IL1RAP: variants seen among roughly 807,000 people sequenced by gnomAD.
IL1RAP encodes the protein interleukin 1 receptor accessory protein.
A neutral mutation model predicts 60.7 loss-of-function variants in IL1RAP; 35 were observed. That is an observed-to-expected ratio of 0.58 (90% CI 0.44 to 0.76). The LOEUF (loss-of-function observed/expected upper bound fraction) is 0.76, where lower values mean the gene tolerates loss of function less well. Among genes scored for constraint, IL1RAP ranks in the 30% least tolerant of loss-of-function variants. The pLI is 0.00. For synonymous variants in IL1RAP, 268 were observed against 250.9 expected (o/e 1.07, Z -0.64); for missense variants, 572 against 693.9 (o/e 0.82, Z 1.97).
At chr3:190,603,001 T>C (rs1693244158) in intron 3 of IL1RAP, among the ~76,000 whole-genome samples, 1 of 152,096 alleles carries the variant, frequency 6.6e-6, no homozygotes, top group Non-Finnish European at 1.5e-5. Flanking sequence ...CTTGTTTTCT[T>C]AAAATAAAGA....
intron 8 of IL1RAP, among the ~76,000 whole-genome samples, 155 bp downstream of exon 8, chr3:190,627,604 A>G (rs1732421964): frequency 6.6e-6 from 1 of 152,166 alleles, no homozygotes; most frequent in Non-Finnish European, 1.5e-5. Flanking sequence ...TTGCATCCCA[A>G]ACCAGGGTTA....
intron 2 of IL1RAP, among the ~76,000 whole-genome samples, chr3:190,557,290 G>C (rs566326216): frequency 6.6e-6 from 1 of 152,260 alleles, no homozygotes; most frequent in Non-Finnish European, 1.5e-5. Flanking sequence ...CCTTGTGAGG[G>C]ACAGGACTTC....
rs1734363017 is a variant in IL1RAP at position 190,651,058 on chromosome 3, A to T, written c.*2353A>T. Reference sequence around the variant, plus strand: ...TATGTGATACGTATCATTGCAAGAGAATTTGTTTCAAGATTTTTTTTTAAT... The same window carrying T: ...TATGTGATACGTATCATTGCAAGAGTATTTGTTTCAAGATTTTTTTTTAAT... On this transcript the variant is annotated 3_prime_UTR_variant, in exon 12 of 12. Transcript: ENST00000447382. 1 of 984,708 alleles carries T rather than the reference A, an allele frequency of 1.0e-6. No individual in the cohort carries two copies. Among genetic ancestry groups the T allele is most frequent in the Non-Finnish European group, 1.2e-6 (1 of 829,424 alleles). 61.0% of individuals were successfully genotyped at this position (984,708 alleles called of 1,614,324 possible).
At chr3:190,536,057 T>G (rs760569355) in intron 1 of IL1RAP, among the ~76,000 whole-genome samples, 6 of 152,174 alleles carry the variant, frequency 3.9e-5, no homozygotes, top group Non-Finnish European at 7.3e-5. Context: ...TACGTAAGAC[T>G]CTAACGTGAA....
chr3:190,527,034 G>T (rs1205042889), intron 1 of IL1RAP, among the ~76,000 whole-genome samples: 1 of 152,158 alleles, frequency 6.6e-6, no homozygotes. Context: ...ATAGCTAAAG[G>T]CAGCACTTCC....
chr3:190,599,883 G>A (rs1435560507), intron 3 of IL1RAP, among the ~76,000 whole-genome samples: 1 of 151,484 alleles, frequency 6.6e-6, no homozygotes, highest in Non-Finnish European at 1.5e-5. Flanking sequence ...TGTTTTAGTG[G>A]GCTTTTGTTC....
chr3:190,602,488 G>T (rs1214247083), intron 3 of IL1RAP, among the ~76,000 whole-genome samples: 1 of 151,922 alleles, frequency 6.6e-6, no homozygotes, highest in Non-Finnish European at 1.5e-5. Flanking sequence ...AGAATAAAAT[G>T]ATGAAAAATA....
chr3:190,557,469 A>C (rs536210732), intron 2 of IL1RAP, among the ~76,000 whole-genome samples: 15 of 152,276 alleles, frequency 9.9e-5, no homozygotes, highest in Admixed American at 5.9e-4. Flanking sequence ...GCTATTTCCT[A>C]AAAAGGGAGA....
chr3:190,553,942 T>G (rs1488882724), intron 1 of IL1RAP, among the ~76,000 whole-genome samples: 1 of 150,082 alleles, frequency 6.7e-6, no homozygotes, highest in African/African-American at 2.4e-5. Flanking sequence ...GCGCCTGTAG[T>G]CCCAGCTACT....
At chr3:190,622,925 G>A (rs1211840308) in intron 6 of IL1RAP, among the ~76,000 whole-genome samples, 2 of 152,148 alleles carry the variant, frequency 1.3e-5, no homozygotes, top group African/African-American at 2.4e-5. Context: ...GGCTACTAGC[G>A]CTCATCCAGA....
downstream of IL1RAP, among the ~76,000 whole-genome samples, chr3:190,654,054 A>T (rs957508236): frequency 3.9e-5 from 6 of 152,312 alleles, no homozygotes; most frequent in South Asian, 8.3e-4. Flanking sequence ...CCAATAAAAA[A>T]ATTAAAGAGC....
chr3:190,603,491 T>G (rs1730032876), intron 3 of IL1RAP, among the ~76,000 whole-genome samples: 1 of 152,182 alleles, frequency 6.6e-6, no homozygotes, highest in South Asian at 2.1e-4. Context: ...TAGTCCAGAT[T>G]GAGATGTAAG....
At chr3:190,615,370 TG>T in intron 5 of IL1RAP, 1 of 1,119,752 alleles carries the variant, frequency 8.9e-7, no homozygotes. Context: ...GCAGTCCTTT[TG>T]TTGTTGCTTT....
chr3:190,613,689 C>T (rs774856529), intron 5 of IL1RAP, among the ~76,000 whole-genome samples: 4 of 151,922 alleles, frequency 2.6e-5, no homozygotes, highest in Non-Finnish European at 5.9e-5. Flanking sequence ...AAAAACTAGC[C>T]GGGCATGGTG....
chr3:190,651,042 C>T lies in IL1RAP; in HGVS notation c.*2337C>T, dbSNP rs41419651. On this transcript the variant is annotated 3_prime_UTR_variant, in exon 12 of 12. Transcript: ENST00000447382. Reference sequence around the variant, plus strand: ...TAAAGCATATCAAGTTTATGTGATACGTATCATTGCAAGAGAATTTGTTTC... The same window carrying T: ...TAAAGCATATCAAGTTTATGTGATATGTATCATTGCAAGAGAATTTGTTTC... 0.015 allele frequency: 15,118 copies of T among 982,582 alleles called. 484 individuals carry two copies. The East Asian group carries it at 0.26, about 17-fold the overall frequency. 60.9% of individuals were successfully genotyped at this position (982,582 alleles called of 1,614,324 possible). A position where few individuals can be genotyped will look rare whatever the true frequency, so the allele number is the denominator to read the frequency against.
chr3:190,527,684 ATTTTT>A (rs58914187), intron 1 of IL1RAP, among the ~76,000 whole-genome samples: 1 of 112,936 alleles, frequency 8.9e-6, no homozygotes. Context: ...GCTTGTTTAC[ATTTTT>A]TTTTTTTTTT....
intron 11 of IL1RAP, among the ~76,000 whole-genome samples, chr3:190,646,547 A>C: frequency 6.6e-6 from 1 of 152,204 alleles, no homozygotes; most frequent in Non-Finnish European, 1.5e-5. Context: ...TTAAAATAAA[A>C]GTACAACTCC....
exon 12 of IL1RAP, chr3:190,656,734 A>T: frequency 3.2e-6 from 2 of 622,986 alleles, no homozygotes; most frequent in East Asian, 2.9e-5. Flanking sequence ...ATTGATTTTT[A>T]AAAACTATTT....
chr3:190,541,541 T>G (rs947255784), intron 1 of IL1RAP, among the ~76,000 whole-genome samples: 2 of 152,168 alleles, frequency 1.3e-5, no homozygotes, highest in Non-Finnish European at 2.9e-5. Context: ...GACTTTTGTC[T>G]TTGGCCTTGT....
Sources: allele counts gnomAD v4.1 joint callset (sites outside exome capture counted in the v4.1 genomes callset), GRCh38; gene constraint gnomAD v4.1.1; transcripts MANE v1.5; gene names NCBI Gene and HGNC (gene_info 2026-07-23, HGNC 2026-07-21).